Variants in INO80E observed in about 807,000 individuals in gnomAD.
The protein encoded by INO80E is INO80 complex subunit E.
INO80E carries 20 observed loss-of-function variants against 27.3 expected under a neutral mutation model. That is an observed-to-expected ratio of 0.73 (90% CI 0.51 to 1.06). INO80E has a LOEUF of 1.06. Among genes scored for constraint, INO80E ranks in the 50% least tolerant of loss-of-function variants. The pLI is 0.00. For missense variants in INO80E, 357 were observed against 322.8 expected (o/e 1.11, Z -0.81); for synonymous variants, 167 against 145.9 (o/e 1.14, Z -1.04).
At chr16:30,004,643 GGGA>G (rs2070480795) in intron 6 of INO80E, 1 of 155,254 alleles carries the variant, frequency 6.4e-6, no homozygotes, top group Non-Finnish European at 1.5e-5. Context: ...TTAGGAGGCT[GGGA>G]CCGCAGCCCA....
In INO80E at chr16:30,003,688, A is replaced by G. The variant is rs1056748734; in HGVS notation, c.514-1533A>G. 6.6e-6 allele frequency: 1 copy of G among 152,170 alleles called. No individual in the cohort carries two copies. Among genetic ancestry groups the G allele is most frequent in the Non-Finnish European group, 1.5e-5 (1 of 68,044 alleles). The allele number at this position is 152,170 out of a possible 1,614,324, so 9.4% of individuals were successfully genotyped here. A position where few individuals can be genotyped will look rare whatever the true frequency, so the allele number is the denominator to read the frequency against. ...CGGAGAATGTGAGTGAAGGGATGAA[A>G]ATCGCTCGGCCCGTGCCTGGCCCCT... On this transcript the variant is annotated intron_variant, in intron 6 of 6. Transcript: ENST00000563197. This position sits in a 1 kb window ranked among gnomAD's most constrained non-coding sequence, Gnocchi z 4.4.
intron 6 of INO80E, 187 bp downstream of exon 6, chr16:30,001,717 A>C: frequency 1.7e-6 from 1 of 584,188 alleles, no homozygotes; most frequent in Non-Finnish European, 3.0e-6. Flanking sequence ...AAATCAGGGC[A>C]GAACCAGCCT....
chr16:29,996,298 T>G lies in INO80E; in HGVS notation c.-13T>G. 6.3e-7 allele frequency: 1 copy of G among 1,581,590 alleles called. No homozygotes were observed. Among genetic ancestry groups the G allele is most frequent in the Non-Finnish European group, 8.6e-7 (1 of 1,164,052 alleles). ...CGGGAGGGCAGACTCTGGGCGCCAC[T>G]CCCGGGCCGGTCATGAACGGGCCGG... On this transcript the variant is annotated 5_prime_UTR_variant, in exon 1 of 7. Transcript: ENST00000563197.
chr16:29,998,292 A>G (rs1489273195), intron 3 of INO80E, among the ~76,000 whole-genome samples: 2 of 112,904 alleles, frequency 1.8e-5, no homozygotes, highest in South Asian at 2.2e-4. Context: ...CTCCATCTCA[A>G]AAAAAAAAAA....
chr16:30,005,525 T>G lies in INO80E; in HGVS notation c.*83T>G. On this transcript the variant is annotated 3_prime_UTR_variant, in exon 7 of 7. Transcript: ENST00000563197. ...CACACGAGTCCAGCTTCCTCGGAGG[T>G]GTTTATTGATGCCCAGCTGCCATGC... 7.9e-7 allele frequency: 1 copy of G among 1,257,890 alleles called. No homozygotes were observed. The highest frequency in any genetic ancestry group is 2.2e-5 in the Admixed American group (1 of 45,630). 77.9% of individuals were successfully genotyped at this position (1,257,890 alleles called of 1,614,324 possible). A position where few individuals can be genotyped will look rare whatever the true frequency, so the allele number is the denominator to read the frequency against.
intron 6 of INO80E, chr16:30,002,687 G>T (rs577565201): frequency 6.6e-6 from 1 of 152,430 alleles, no homozygotes; most frequent in Admixed American, 6.5e-5. Context: ...GGGACCACAG[G>T]CTTGGAGGAA....
chr16:30,001,337 C>T, intron 5 of INO80E, 77 bp from the exon 6 acceptor site: 2 of 1,515,982 alleles, frequency 1.3e-6, no homozygotes, highest in African/African-American at 1.4e-5. Context: ...TTCCATCCTC[C>T]TTCTGTTTGC....
chr16:30,000,865 G>C, intron 4 of INO80E, 29 bp downstream of exon 4: 1 of 1,612,588 alleles, frequency 6.2e-7, no homozygotes, highest in African/African-American at 1.3e-5. Context: ...CCTCTCGCTG[G>C]GGAGGGTCAG....
intron 6 of INO80E, chr16:30,004,634 T>C (rs745804552): frequency 1.9e-5 from 3 of 155,106 alleles, no homozygotes; most frequent in Non-Finnish European, 2.9e-5. Flanking sequence ...GGAGTCCAGT[T>C]AGGAGGCTGG....
Position 30,001,399 on chromosome 16 carries a change from C to T in INO80E, c.397-15C>T, listed in dbSNP as rs374713744. The T allele has an allele frequency of 3.1e-5, 48 of 1,572,844 alleles. No individual in the cohort carries two copies. Among genetic ancestry groups the T allele is most frequent in the African/African-American group, 1.8e-4 (13 of 73,966 alleles). ...CCATTCCGCCTCCCATCTCCATCCC[C>T]GCTCCCGCCCGCAGCTGGCCTCCTC... is the stretch of plus-strand genomic sequence containing the variant. On this transcript the variant is annotated splice_polypyrimidine_tract_variant and intron_variant, in intron 5 of 6. Transcript: ENST00000563197.
intron 3 of INO80E, among the ~76,000 whole-genome samples, chr16:29,997,304 A>T (rs1037133283): frequency 2.0e-5 from 3 of 152,222 alleles, no homozygotes; most frequent in African/African-American, 7.2e-5. Context: ...GCACCTACTG[A>T]ACTCTGCCAT....
In INO80E at chr16:29,996,981, T is replaced by C. The variant is rs886320790; in HGVS notation, c.205+121T>C. 5.5e-6 allele frequency: 5 copies of C among 910,008 alleles called. No individual in the cohort carries two copies. In the Admixed American group the frequency reaches 9.7e-5, roughly 18 times the overall value. 56.4% of individuals were successfully genotyped at this position (910,008 alleles called of 1,614,324 possible). The stretch of plus-strand genomic sequence containing the variant: ...GCCCCCAGTGGTCCTTAAGCCTAGT[T>C]GCTTGCCTTCCACCTCCACCGTTCT... On this transcript the variant is annotated intron_variant, in intron 3 of 6. Transcript: ENST00000563197.
At chr16:29,998,230 G>A (rs1279699298) in intron 3 of INO80E, among the ~76,000 whole-genome samples, 3 of 151,316 alleles carry the variant, frequency 2.0e-5, no homozygotes, top group Non-Finnish European at 4.4e-5. Flanking sequence ...GGTGGAGCTT[G>A]CAGTGAGCTG....
chr16:29,996,518 G>A, intron 1 of INO80E, 29 bp from the exon 2 acceptor site: 1 of 1,555,648 alleles, frequency 6.4e-7, no homozygotes, highest in African/African-American at 1.4e-5. Context: ...AGGACCGTTG[G>A]CCCAGCGCAC....
At chr16:29,997,865 G>A (rs2070194258) in intron 3 of INO80E, among the ~76,000 whole-genome samples, 1 of 151,914 alleles carries the variant, frequency 6.6e-6, no homozygotes, top group African/African-American at 2.4e-5. Context: ...ATTTGAGTTG[G>A]GACCAGAGAA....
At chr16:29,999,165 T>C (rs1314177431) in intron 3 of INO80E, 2 of 152,088 alleles carry the variant, frequency 1.3e-5, no homozygotes, top group Non-Finnish European at 2.9e-5. Flanking sequence ...TATAGGAGGA[T>C]TGTAGATAAG....
intron 5 of INO80E, 112 bp downstream of exon 5, chr16:30,001,152 T>C: frequency 2.7e-6 from 4 of 1,473,464 alleles, no homozygotes; most frequent in Non-Finnish European, 2.7e-6. Context: ...TCTGTCTGGG[T>C]GTGGCCCAAG....
intron 5 of INO80E, 127 bp downstream of exon 5, chr16:30,001,167 C>G: frequency 6.8e-7 from 1 of 1,473,422 alleles, no homozygotes; most frequent in Non-Finnish European, 9.0e-7. Flanking sequence ...CCCAAGTGTC[C>G]CGTGGAGGGT....
chr16:30,005,309 CCCCCCTCCCACCCCCTAAGATG>C lies in INO80E; in HGVS notation c.608_629del (p.Leu203ProfsTer5). The C allele has an allele frequency of 5.7e-6, 3 of 529,298 alleles. No homozygotes were observed. Among genetic ancestry groups the C allele is most frequent in the Admixed American group, 1.1e-4 (2 of 18,560 alleles). The allele number at this position is 529,298 out of a possible 1,614,324, so 32.8% of individuals were successfully genotyped here. A position where few individuals can be genotyped will look rare whatever the true frequency, so the allele number is the denominator to read the frequency against. ...GGGGCTGGGGTCGGGACAACCCTGA[CCCCCCTCCCACCCCCTAAGATG>C]CCCCCCCCCACGATCCTGAGCACGG... On this transcript the variant is annotated frameshift_variant, in exon 7 of 7. Coordinates refer to ENST00000563197, the MANE Select transcript of INO80E (RefSeq NM_173618.3). LOFTEE classifies it high-confidence loss of function.
Sources: gnomAD v4.1 joint callset for allele counts (sites outside exome capture counted in the v4.1 genomes callset) on GRCh38, gnomAD v4.1.1 for gene constraint, Gnocchi (gnomAD v3.1) non-coding constraint, MANE v1.5 for transcripts, NCBI Gene and HGNC (gene_info 2026-07-23, HGNC 2026-07-21) for gene names.